MYO5B: variants seen among roughly 807,000 people sequenced by gnomAD.
MYO5B encodes the protein myosin VB, also known as unconventional myosin-Vb.
In MYO5B, 143 loss-of-function variants were observed where a neutral mutation model predicts 229.3. The ratio of observed to expected loss-of-function variants is 0.62; its 90% confidence interval spans 0.54 to 0.72. The LOEUF is 0.72. MYO5B is among the 30% of genes least tolerant of loss of function. The probability of loss-of-function intolerance (pLI) is 0.00; values close to 1 mark genes in which losing one functional copy is unlikely to be tolerated. For missense variants in MYO5B, 2,321 were observed against 2,331.0 expected, an observed-to-expected ratio of 1.00 and a Z score of 0.09; for synonymous variants, 918 against 885.2, an observed-to-expected ratio of 1.04 and a Z score of -0.66.
chr18:49,842,000 C>T (rs2144039085), intron 34 of MYO5B, among the ~76,000 whole-genome samples: 1 of 151,964 alleles, frequency 6.6e-6, no homozygotes, highest in Non-Finnish European at 1.5e-5. Flanking sequence ...TATGAGACAG[C>T]TGCTGCATTA....
intron 1 of MYO5B, among the ~76,000 whole-genome samples, chr18:50,086,332 C>G (rs934582217): frequency 1.3e-5 from 2 of 152,176 alleles, no homozygotes; most frequent in Admixed American, 1.3e-4. Flanking sequence ...TGACTAGATA[C>G]ACCTGTAAAT....
intron 33 of MYO5B, among the ~76,000 whole-genome samples, chr18:49,845,089 T>C (rs1204497398): frequency 1.3e-5 from 2 of 152,152 alleles, no homozygotes; most frequent in African/African-American, 2.4e-5. Flanking sequence ...GGCAGGGTTT[T>C]CTCTGTAAAA....
At chr18:49,929,733 C>T (rs545229031) in intron 16 of MYO5B, 135 bp from the exon 17 acceptor site, 42 of 784,892 alleles carry the variant, frequency 5.4e-5, no homozygotes, top group Non-Finnish European at 7.7e-5. Flanking sequence ...CACTGAGTTA[C>T]CCTTGAGCTC....
intron 14 of MYO5B, among the ~76,000 whole-genome samples, chr18:49,938,082 G>C (rs916243059): frequency 1.3e-5 from 2 of 152,162 alleles, no homozygotes; most frequent in East Asian, 1.9e-4. Context: ...AAGATGCGCA[G>C]AACTTCATTT....
chr18:50,066,742 G>C (rs890766373), intron 1 of MYO5B, among the ~76,000 whole-genome samples: 1 of 152,182 alleles, frequency 6.6e-6, no homozygotes, highest in Non-Finnish European at 1.5e-5. Context: ...ATTACCCTAA[G>C]ACCTTAAAAA....
intron 8 of MYO5B, among the ~76,000 whole-genome samples, chr18:49,982,055 C>A (rs528386563): frequency 1.3e-5 from 2 of 152,224 alleles, no homozygotes; most frequent in South Asian, 4.2e-4. Context: ...AGGATATACT[C>A]CCTAGACAGT....
At chr18:49,920,219 C>T (rs2144177839) in intron 17 of MYO5B, among the ~76,000 whole-genome samples, 1 of 152,232 alleles carries the variant, frequency 6.6e-6, no homozygotes, top group Middle Eastern at 3.4e-3. Flanking sequence ...TGAAATTAGA[C>T]AGTGGTGATG....
chr18:49,828,369 A>G (rs2023871631), intron 39 of MYO5B, among the ~76,000 whole-genome samples: 1 of 152,246 alleles, frequency 6.6e-6, no homozygotes, highest in Non-Finnish European at 1.5e-5. Flanking sequence ...ATATTTTAAT[A>G]AAAGGTTCAA....
chr18:49,954,397 G>A lies in MYO5B; in HGVS notation c.1584C>T (p.Leu528=), dbSNP rs1187513184. 2 of 1,613,990 alleles carry A rather than the reference G, an allele frequency of 1.2e-6. No individual in the cohort carries two copies. Among genetic ancestry groups the A allele is most frequent in the African/African-American group, 2.7e-5 (2 of 74,988 alleles). ...KGTDQNWAQK[L]YDRHSSSQHF... is the part of the protein sequence containing the mutation. ...GCTGGCTGCTGGAGTGCCGGTCATA[G>A]AGCTTCTGAGCCCAGTTCTGGTCAG... Residue 528 remains leucine, a synonymous_variant, in exon 13 of 40, where the codon CTC becomes CTT. Transcript: ENST00000285039.
chr18:50,127,572 C>A (rs760068013), intron 1 of MYO5B, among the ~76,000 whole-genome samples: 1 of 152,062 alleles, frequency 6.6e-6, no homozygotes, highest in Non-Finnish European at 1.5e-5. Flanking sequence ...CCTGGTGGAG[C>A]GCATAAAAGG....
At chr18:49,943,703 T>TTA (rs2025341116) in intron 14 of MYO5B, among the ~76,000 whole-genome samples, 1 of 152,224 alleles carries the variant, frequency 6.6e-6, no homozygotes, top group South Asian at 2.1e-4. Flanking sequence ...AACAAAAGTG[T>TTA]TATAGAAGAA....
chr18:50,115,422 G>A (rs749367648), intron 1 of MYO5B, among the ~76,000 whole-genome samples: 9 of 152,082 alleles, frequency 5.9e-5, no homozygotes, highest in Non-Finnish European at 1.3e-4. Context: ...CCTTCCTGCA[G>A]AACTTGCATT....
intron 29 of MYO5B, among the ~76,000 whole-genome samples, chr18:49,859,221 G>C (rs187110782): frequency 6.6e-6 from 1 of 152,224 alleles, no homozygotes; most frequent in East Asian, 1.9e-4. Context: ...CGGGTAAAGT[G>C]AAAGTAGCCT....
At chr18:49,933,771 G>A (rs1238923282) in intron 16 of MYO5B, among the ~76,000 whole-genome samples, 5 of 152,192 alleles carry the variant, frequency 3.3e-5, no homozygotes, top group Non-Finnish European at 7.3e-5. Context: ...GAAATGGGTG[G>A]AGAGACACAG....
intron 1 of MYO5B, among the ~76,000 whole-genome samples, chr18:50,181,575 C>T (rs2033074405): frequency 6.6e-6 from 1 of 152,228 alleles, no homozygotes; most frequent in Non-Finnish European, 1.5e-5. Flanking sequence ...GACTCAAAAG[C>T]ACACACCATC....
intron 2 of MYO5B, among the ~76,000 whole-genome samples, chr18:50,041,411 A>G (rs2030011296): frequency 6.6e-6 from 1 of 152,212 alleles, no homozygotes; most frequent in Admixed American, 6.5e-5. Context: ...TCGGTTATCA[A>G]ATGTTAAGGT....
chr18:49,980,818 AC>A lies in MYO5B; in HGVS notation c.947-266del, dbSNP rs138630522. ...TCAGATGGGTCAAGCTGCCATTTTA[AC>A]TTCTCAAAGAGCAAAGCAGAGGCAG... is the stretch of plus-strand genomic sequence containing the variant. On this transcript the variant is annotated intron_variant, in intron 8 of 39. Coordinates refer to ENST00000285039, the MANE Select transcript of MYO5B (RefSeq NM_001080467.3). Among the ~76,000 whole-genome samples the A allele has an allele frequency of 0.16, 24,234 of 152,176 alleles. 1,949 individuals are homozygous for A. The highest frequency in any genetic ancestry group is 0.22 in the East Asian group (1,120 of 5,178).
At chr18:50,074,342 T>C (rs1000053977) in intron 1 of MYO5B, among the ~76,000 whole-genome samples, 2 of 152,136 alleles carry the variant, frequency 1.3e-5, no homozygotes, top group Non-Finnish European at 2.9e-5. Context: ...GAGATTTGGG[T>C]GAGGACACAG....
intron 19 of MYO5B, among the ~76,000 whole-genome samples, chr18:49,905,755 G>C (rs2024892001): frequency 6.6e-6 from 1 of 152,186 alleles, no homozygotes; most frequent in Non-Finnish European, 1.5e-5. Flanking sequence ...TCAGAGGGCA[G>C]GCTGTCTTCA....
Sources: gnomAD v4.1 joint callset for allele counts (sites outside exome capture counted in the v4.1 genomes callset) on GRCh38, gnomAD v4.1.1 for gene constraint, MANE v1.5 for transcripts, NCBI Gene and HGNC (gene_info 2026-07-23, HGNC 2026-07-21) for gene names.